MRPS25: variants seen among roughly 807,000 people sequenced by gnomAD.
The protein encoded by MRPS25 is mitochondrial ribosomal protein S25.
A neutral mutation model predicts 17.3 loss-of-function variants in MRPS25; 15 were observed. The ratio of observed to expected loss-of-function variants is 0.87; its 90% CI spans 0.58 to 1.34. The LOEUF (loss-of-function observed/expected upper bound fraction) is 1.34, where lower values mean the gene tolerates loss of function less well. MRPS25 is among the 40% of genes most tolerant of loss of function. MRPS25 has a pLI of 0.00. For missense variants in MRPS25, 225 were observed against 218.6 expected (o/e 1.03, Z -0.19); for synonymous variants, 94 against 83.3 (o/e 1.13, Z -0.70).
Position 15,050,663 on chromosome 3 carries a change from G to A in MRPS25, c.*1778C>T. On this transcript the variant is annotated 3_prime_UTR_variant, in exon 4 of 4. Coordinates refer to ENST00000253686, the MANE Select transcript of MRPS25 (RefSeq NM_022497.5). ...AGAGCTTTTTCCACCCAGCCAAAAT[G>A]CTGATAGCAGAGAGACAAGATGCTA... 1.0e-6 allele frequency: 1 copy of A among 985,390 alleles called. No homozygotes were observed. The highest frequency in any genetic ancestry group is 1.1e-4 in the East Asian group (1 of 8,808). 61.0% of individuals were successfully genotyped at this position (985,390 alleles called of 1,614,324 possible).
chr3:15,053,328 A>G (rs766421126), intron 3 of MRPS25, 52 bp downstream of exon 3: 5 of 1,613,068 alleles, frequency 3.1e-6, no homozygotes, highest in Non-Finnish European at 4.2e-6. Flanking sequence ...TTCTTCCTCA[A>G]ATTCTCTGGG....
At position 15,049,947 on chromosome 3, in the gene MRPS25, G is replaced by A; in HGVS notation, c.*2494C>T. 6.5e-7 allele frequency: 1 copy of A among 1,529,128 alleles called. No homozygotes were observed. The highest frequency in any genetic ancestry group is 8.7e-7 in the Non-Finnish European group (1 of 1,144,398). The allele number at this position is 1,529,128 out of a possible 1,614,324, so 94.7% of individuals were successfully genotyped here. A position where few individuals can be genotyped will look rare whatever the true frequency, so the allele number is the denominator to read the frequency against. ...CTGCCAGGTAGTGCCTCAAAGAGAAGAAAAGTGGTCACTTCAGAATAAGGC... is the reference window on the plus strand; with the variant it reads ...CTGCCAGGTAGTGCCTCAAAGAGAAAAAAAGTGGTCACTTCAGAATAAGGC... On this transcript the variant is annotated 3_prime_UTR_variant, in exon 4 of 4. Coordinates refer to ENST00000253686, the MANE Select transcript of MRPS25 (RefSeq NM_022497.5).
rs1363257547 is a variant in MRPS25 at position 15,049,520 on chromosome 3, G to A, written c.*2921C>T. 4 of 266,668 alleles carry A rather than the reference G, an allele frequency of 1.5e-5. No homozygotes were observed. The highest frequency in any genetic ancestry group is 2.8e-5 in the Non-Finnish European group (4 of 142,636). The allele number at this position is 266,668 out of a possible 1,614,324, so 16.5% of individuals were successfully genotyped here. A position where few individuals can be genotyped will look rare whatever the true frequency, so the allele number is the denominator to read the frequency against. ...CATCCACCCAGCAAGGCAGCTCCTT[G>A]GTGTGGAGGTAGGGAAGCCACACAC... is the stretch of plus-strand genomic sequence containing the variant. On this transcript the variant is annotated 3_prime_UTR_variant, in exon 4 of 4. Transcript: ENST00000253686.
chr3:15,043,181 C>T (rs2042331723), downstream of MRPS25: 1 of 463,878 alleles, frequency 2.2e-6, no homozygotes, highest in Non-Finnish European at 3.6e-6. Flanking sequence ...CTAGTAGGAT[C>T]CTTTCCTGAC....
Position 15,055,794 on chromosome 3 carries a change from CACT to C in MRPS25, c.242-2330_242-2328del, listed in dbSNP as rs569172514. ...GAAATTTCTGCTCTTCAAAAGACAC[CACT>C]AAGAAAATGAAAAGCAGGCCACAGA... On this transcript the variant is annotated intron_variant, in intron 2 of 3. Coordinates refer to ENST00000253686, the MANE Select transcript of MRPS25 (RefSeq NM_022497.5). Among the ~76,000 whole-genome samples, 110 of 151,714 alleles carry C rather than the reference CACT, an allele frequency of 7.3e-4. 1 individual carries two copies. The highest frequency in any genetic ancestry group is 2.6e-3 in the African/African-American group (107 of 41,354).
At chr3:15,062,589 C>T (rs1469255966) in intron 1 of MRPS25, among the ~76,000 whole-genome samples, 3 of 151,896 alleles carry the variant, frequency 2.0e-5, no homozygotes, top group South Asian at 2.1e-4. Context: ...TCATTGAGAA[C>T]GGGCCATGAT....
At chr3:15,061,821 G>A (rs1482627750) in intron 1 of MRPS25, among the ~76,000 whole-genome samples, 1 of 151,658 alleles carries the variant, frequency 6.6e-6, no homozygotes, top group Admixed American at 6.6e-5. Context: ...GCCTCTGCCC[G>A]GCCGCGACCC....
At chr3:15,045,810 C>T (rs560652223), downstream of MRPS25, 5 of 152,636 alleles carry the variant, frequency 3.3e-5, no homozygotes, top group Admixed American at 6.5e-5. Flanking sequence ...CTACTGAACT[C>T]CATGGAGCCA....
In MRPS25 at chr3:15,052,407, A is replaced by G; in HGVS notation, c.*34T>C. ...CCATTCCAATCTCCCCACTGGTCAGACACCATCACCCCAGCCCACAGTGAC... is the reference window on the plus strand; with the variant it reads ...CCATTCCAATCTCCCCACTGGTCAGGCACCATCACCCCAGCCCACAGTGAC... On this transcript the variant is annotated 3_prime_UTR_variant, in exon 4 of 4. Transcript: ENST00000253686. 1 of 1,594,756 alleles carries G rather than the reference A, an allele frequency of 6.3e-7. No homozygotes were observed. The highest frequency in any genetic ancestry group is 8.6e-7 in the Non-Finnish European group (1 of 1,166,180).
chr3:15,053,475 C>T lies in MRPS25; in HGVS notation c.242-8G>A, dbSNP rs368483530. ...GGACCTGCTCCCCAGAATCTGGAAA[C>T]GGAAAGCACGGGGCAGAAGAGAAAC... On this transcript the variant is annotated splice_region_variant and splice_polypyrimidine_tract_variant and intron_variant, in intron 2 of 3. Transcript: ENST00000253686. 14 of 1,614,024 alleles carry T rather than the reference C, an allele frequency of 8.7e-6. No individual in the cohort carries two copies. Among genetic ancestry groups the T allele is most frequent in the South Asian group, 3.3e-5 (3 of 91,086 alleles).
At chr3:15,063,245 G>T (rs1325102063) in intron 1 of MRPS25, among the ~76,000 whole-genome samples, 1 of 152,158 alleles carries the variant, frequency 6.6e-6, no homozygotes, top group Non-Finnish European at 1.5e-5. Context: ...CGATCACACT[G>T]TTCTGTCACC....
chr3:15,059,224 G>A (rs1398093985), intron 2 of MRPS25, 145 bp downstream of exon 2: 2 of 632,124 alleles, frequency 3.2e-6, no homozygotes, highest in Non-Finnish European at 5.7e-6. Flanking sequence ...GAGTGCCTCG[G>A]TATGGGGAAG....
chr3:15,059,537 G>A, intron 1 of MRPS25, 62 bp from the exon 2 acceptor site: 1 of 1,119,310 alleles, frequency 8.9e-7, no homozygotes, highest in South Asian at 1.3e-5. Flanking sequence ...TTTATGCGTG[G>A]GTATTTTTCT....
Position 15,049,140 on chromosome 3 carries a change from G to C in MRPS25, c.*3301C>G, listed in dbSNP as rs541278999. On this transcript the variant is annotated 3_prime_UTR_variant, in exon 4 of 4. Coordinates refer to ENST00000253686, the MANE Select transcript of MRPS25 (RefSeq NM_022497.5). The stretch of plus-strand genomic sequence containing the variant: ...AAGAAGAATTTGCATTGTTGTGTTT[G>C]TATATAGAGTATTGCAGTGCATGAA... 1 of 152,714 alleles carries C rather than the reference G, an allele frequency of 6.5e-6. No homozygotes were observed. The highest frequency in any genetic ancestry group is 6.5e-5 in the Admixed American group (1 of 15,296). 9.5% of individuals were successfully genotyped at this position (152,714 alleles called of 1,614,324 possible). A position where few individuals can be genotyped will look rare whatever the true frequency, so the allele number is the denominator to read the frequency against.
At chr3:15,062,474 G>T in intron 1 of MRPS25, among the ~76,000 whole-genome samples, 1 of 142,452 alleles carries the variant, frequency 7.0e-6, no homozygotes, top group Non-Finnish European at 1.5e-5. Flanking sequence ...CCGGCCAGCC[G>T]CCCCGTCCAG....
At chr3:15,043,016 C>T, downstream of MRPS25, 1 of 1,611,666 alleles carries the variant, frequency 6.2e-7, no homozygotes, top group East Asian at 2.2e-5. Context: ...TAGCGCAAAC[C>T]ACACACCTGC....
downstream of MRPS25, chr3:15,042,690 TGA>T: frequency 1.5e-6 from 1 of 672,520 alleles, no homozygotes; most frequent in Non-Finnish European, 2.5e-6. Flanking sequence ...GAGGAACTGT[TGA>T]AATCAGAAAA....
downstream of MRPS25, chr3:15,043,021 A>G (rs920239946): frequency 1.2e-6 from 2 of 1,610,236 alleles, no homozygotes; most frequent in Admixed American, 1.7e-5. Context: ...CAAACCACAC[A>G]CCTGCCAAGG....
chr3:15,053,243 A>G, intron 3 of MRPS25, 137 bp downstream of exon 3: 1 of 1,490,154 alleles, frequency 6.7e-7, no homozygotes, highest in Admixed American at 2.3e-5. Context: ...CTGATTCTAC[A>G]GCCCCAGCTC....
Sources: gnomAD v4.1 joint callset for allele counts (sites outside exome capture counted in the v4.1 genomes callset) on GRCh38, gnomAD v4.1.1 for gene constraint, MANE v1.5 for transcripts, NCBI Gene and HGNC (gene_info 2026-07-23, HGNC 2026-07-21) for gene names.